Variants in NR3C2 observed in about 807,000 individuals in gnomAD.
NR3C2 encodes the protein mineralocorticoid receptor.
Under a neutral mutation model 86.4 loss-of-function variants are expected in NR3C2, and 15 were observed. The observed-to-expected ratio is 0.17, with a 90% CI of 0.12 to 0.27. NR3C2 has a LOEUF of 0.27. Ranked by LOEUF, NR3C2 falls within the 10% of genes least tolerant of loss-of-function variation. The pLI is 1.00. For synonymous variants in NR3C2, 458 were observed against 450.5 expected, an observed-to-expected ratio of 1.02 and a Z score of -0.21; for missense variants, 960 against 1,195.6, an observed-to-expected ratio of 0.80 and a Z score of 2.91.
chr4:148,168,530 C>T (rs1452535081), intron 4 of NR3C2, among the ~76,000 whole-genome samples: 1 of 152,194 alleles, frequency 6.6e-6, no homozygotes, highest in Non-Finnish European at 1.5e-5. Context: ...GTGTCAGCAC[C>T]AGAACTGTTA....
intron 8 of NR3C2, among the ~76,000 whole-genome samples, chr4:148,110,276 C>A (rs988509447): frequency 6.6e-6 from 1 of 152,196 alleles, no homozygotes; most frequent in African/African-American, 2.4e-5. Flanking sequence ...TATTCCAGCA[C>A]ATATGTGTAC....
intron 4 of NR3C2, among the ~76,000 whole-genome samples, chr4:148,177,933 A>G (rs1735452326): frequency 6.6e-6 from 1 of 152,162 alleles, no homozygotes; most frequent in Non-Finnish European, 1.5e-5. Context: ...CTTACACATT[A>G]ATTAGTAATT....
intron 8 of NR3C2, among the ~76,000 whole-genome samples, chr4:148,085,211 C>G (rs1333169755): frequency 6.6e-6 from 1 of 152,168 alleles, no homozygotes; most frequent in Non-Finnish European, 1.5e-5. Flanking sequence ...TTCTCAGCAC[C>G]TCATCGCACT....
At chr4:148,150,593 TATAG>T (rs1316261474) in intron 6 of NR3C2, among the ~76,000 whole-genome samples, 1 of 152,222 alleles carries the variant, frequency 6.6e-6, no homozygotes, top group Non-Finnish European at 1.5e-5. Context: ...GATGACAGTT[TATAG>T]CATGAGAGCT....
chr4:148,375,348 C>T (rs148177156), intron 2 of NR3C2, among the ~76,000 whole-genome samples: 3,088 of 151,620 alleles, frequency 0.02, 109 homozygotes, highest in African/African-American at 0.072. Context: ...CCCAGCTACT[C>T]GGGAGGCTGA....
chr4:148,386,307 C>T (rs1747259393), intron 2 of NR3C2, among the ~76,000 whole-genome samples: 1 of 152,182 alleles, frequency 6.6e-6, no homozygotes, highest in African/African-American at 2.4e-5. Flanking sequence ...TGTGTGGTCA[C>T]AGGTCTGAGC....
At chr4:148,348,090 T>C (rs1183174332) in intron 2 of NR3C2, among the ~76,000 whole-genome samples, 1 of 152,134 alleles carries the variant, frequency 6.6e-6, no homozygotes, top group Non-Finnish European at 1.5e-5. Context: ...AGAAGAGGAA[T>C]GGACACTCTC....
chr4:148,254,561 C>G (rs149624408), intron 3 of NR3C2, among the ~76,000 whole-genome samples: 117 of 152,280 alleles, frequency 7.7e-4, no homozygotes, highest in African/African-American at 2.6e-3. Context: ...TCTGGGCAAA[C>G]ATTTGCCATT....
intron 8 of NR3C2, among the ~76,000 whole-genome samples, chr4:148,106,488 G>T (rs1731803321): frequency 6.6e-6 from 1 of 152,054 alleles, no homozygotes; most frequent in African/African-American, 2.4e-5. Context: ...ACCATTGACT[G>T]TCTTTGCAGA....
chr4:148,331,375 C>T (rs1053023840), intron 2 of NR3C2, among the ~76,000 whole-genome samples: 2 of 152,196 alleles, frequency 1.3e-5, no homozygotes, highest in Non-Finnish European at 1.5e-5. Context: ...CACAGGGCTA[C>T]ATCCATCAAC....
intron 3 of NR3C2, among the ~76,000 whole-genome samples, chr4:148,229,143 G>C (rs1016212858): frequency 1.3e-5 from 2 of 152,118 alleles, no homozygotes; most frequent in Non-Finnish European, 2.9e-5. Flanking sequence ...GCAGATAAGG[G>C]AACCTGCACA....
chr4:148,406,422 T>A (rs1028207799), intron 2 of NR3C2, among the ~76,000 whole-genome samples: 2 of 152,102 alleles, frequency 1.3e-5, no homozygotes, highest in African/African-American at 4.8e-5. Context: ...TTCTAGCCGA[T>A]AGGACGCAGA....
chr4:148,374,658 A>T (rs1746585401), intron 2 of NR3C2, among the ~76,000 whole-genome samples: 1 of 152,228 alleles, frequency 6.6e-6, no homozygotes, highest in African/African-American at 2.4e-5. Flanking sequence ...GTGTAAGGGA[A>T]CTGAGGCAAA....
chr4:148,444,918 C>T (rs1750510198), upstream of NR3C2: 15 of 984,908 alleles, frequency 1.5e-5, no homozygotes, highest in South Asian at 4.7e-5. Context: ...TCTCCGCGCC[C>T]CCTCCCCGGG....
chr4:148,128,996 G>T (rs2149740718), intron 6 of NR3C2, among the ~76,000 whole-genome samples: 1 of 152,256 alleles, frequency 6.6e-6, no homozygotes, highest in South Asian at 2.1e-4. Flanking sequence ...TTTAGGCCTG[G>T]AAAAAGCTTC....
chr4:148,442,091 T>C (rs1422714806), intron 1 of NR3C2, 69 bp downstream of exon 1: 1 of 152,540 alleles, frequency 6.6e-6, no homozygotes. Flanking sequence ...CCCTGCAAAG[T>C]GCACGCTCCC....
chr4:148,425,962 G>A (rs1384923559), intron 2 of NR3C2, among the ~76,000 whole-genome samples: 1 of 152,106 alleles, frequency 6.6e-6, no homozygotes, highest in African/African-American at 2.4e-5. Context: ...GCTGACTGCA[G>A]TCTCATTTCT....
intron 3 of NR3C2, among the ~76,000 whole-genome samples, chr4:148,201,822 A>G (rs911203500): frequency 8.6e-5 from 13 of 151,814 alleles, no homozygotes; most frequent in African/African-American, 3.1e-4. Flanking sequence ...TCAGTGTCCC[A>G]CTCCTCTACC....
intron 4 of NR3C2, among the ~76,000 whole-genome samples, chr4:148,176,801 T>C (rs1197116611): frequency 6.6e-6 from 1 of 152,192 alleles, no homozygotes; most frequent in Admixed American, 6.5e-5. Flanking sequence ...AATAAATGAA[T>C]GGATTCATCA....
Sources: gnomAD v4.1 joint callset for allele counts (sites outside exome capture counted in the v4.1 genomes callset) on GRCh38, gnomAD v4.1.1 for gene constraint, MANE v1.5 for transcripts, NCBI Gene and HGNC (gene_info 2026-07-23, HGNC 2026-07-21) for gene names.